TEKT5: variants seen among roughly 807,000 people sequenced by gnomAD.
The protein encoded by TEKT5 is tektin-5.
TEKT5 carries 52 observed loss-of-function variants against 48.7 expected under a neutral mutation model. The observed-to-expected ratio is 1.07, with a 90% CI of 0.86 to 1.35. The LOEUF (loss-of-function observed/expected upper bound fraction) is 1.35, where lower values mean the gene tolerates loss of function less well. Among genes scored for constraint, TEKT5 ranks in the 40% most tolerant of loss-of-function variants. The pLI is 0.00. For missense variants in TEKT5, 831 were observed against 641.6 expected (o/e 1.30, Z -3.19); for synonymous variants, 318 against 267.6 (o/e 1.19, Z -1.84).
Position 10,656,012 on chromosome 16 carries a change from C to A in TEKT5, c.1086+19947G>T, listed in dbSNP as rs6498100. 4.2e-3 allele frequency among the ~76,000 whole-genome samples: 632 copies of A among 152,126 alleles called. 4 individuals carry two copies. Among genetic ancestry groups the A allele is most frequent in the Non-Finnish European group, 5.0e-3 (343 of 67,978 alleles). The stretch of plus-strand genomic sequence containing the variant: ...ACCAAAGAGTTCATAGCAAATCATC[C>A]GTGATGAGGGTATCTTGACCTCAGC... On this transcript the variant is annotated intron_variant, in intron 5 of 6. Transcript: ENST00000283025.
intron 3 of TEKT5, 110 bp downstream of exon 3, chr16:10,689,143 C>G: frequency 1.2e-6 from 1 of 803,828 alleles, no homozygotes; most frequent in Non-Finnish European, 1.9e-6. Flanking sequence ...TACCACTGAC[C>G]AAAAGAACCA....
chr16:10,649,935 C>G (rs1898127243), intron 5 of TEKT5, among the ~76,000 whole-genome samples: 1 of 152,166 alleles, frequency 6.6e-6, no homozygotes, highest in Non-Finnish European at 1.5e-5. Flanking sequence ...GGAGCCTGTT[C>G]CTACCCCATA....
chr16:10,680,925 G>T (rs1484262699), intron 4 of TEKT5, among the ~76,000 whole-genome samples: 1 of 150,270 alleles, frequency 6.7e-6, no homozygotes, highest in Non-Finnish European at 1.5e-5. Flanking sequence ...CGATTTAGTG[G>T]GTGCAGCGCA....
rs72781794 is a variant in TEKT5, at chr16:10,640,299, C to T, written c.1087-4381G>A. On this transcript the variant is annotated intron_variant, in intron 5 of 6. Coordinates refer to ENST00000283025, the MANE Select transcript of TEKT5 (RefSeq NM_144674.2). ...CTGGGACTACAGGTGCCTGCCACCACACTCAGCTAACTTTCTGTTGCCCAG... is the reference window on the plus strand; with the variant it reads ...CTGGGACTACAGGTGCCTGCCACCATACTCAGCTAACTTTCTGTTGCCCAG... Among the ~76,000 whole-genome samples, 1,171 of 152,164 alleles carry T rather than the reference C, an allele frequency of 7.7e-3. 9 individuals carry two copies. Among genetic ancestry groups the T allele is most frequent in the Non-Finnish European group, 0.011 (769 of 68,006 alleles).
intron 6 of TEKT5, among the ~76,000 whole-genome samples, chr16:10,631,831 G>C (rs1306710804): frequency 1.3e-5 from 2 of 152,170 alleles, no homozygotes; most frequent in East Asian, 3.8e-4. Flanking sequence ...CTCTCTCAGA[G>C]CCTCCAGGAA....
chr16:10,662,126 G>T (rs1276409417), intron 5 of TEKT5, among the ~76,000 whole-genome samples: 1 of 152,174 alleles, frequency 6.6e-6, no homozygotes, highest in Non-Finnish European at 1.5e-5. Flanking sequence ...ATGGTGGGGG[G>T]TAGGGACTGT....
At chr16:10,690,832 G>A in intron 1 of TEKT5, 2 of 964,176 alleles carry the variant, frequency 2.1e-6, no homozygotes, top group Non-Finnish European at 2.5e-6. Flanking sequence ...CCCAGGAGCA[G>A]AAGGAAGCAG....
At chr16:10,691,711 G>T (rs1178217349) in intron 1 of TEKT5, among the ~76,000 whole-genome samples, 1 of 152,148 alleles carries the variant, frequency 6.6e-6, no homozygotes, top group East Asian at 1.9e-4. Context: ...CACTTTGGGA[G>T]GCTGAGGTGG....
At chr16:10,663,566 A>G (rs909251508) in intron 5 of TEKT5, among the ~76,000 whole-genome samples, 1 of 152,128 alleles carries the variant, frequency 6.6e-6, no homozygotes, top group Admixed American at 6.5e-5. Context: ...GGAGAGAGAG[A>G]AAGAGGAGAG....
At chr16:10,669,300 CA>C (rs34296979) in intron 5 of TEKT5, among the ~76,000 whole-genome samples, 8 of 148,964 alleles carry the variant, frequency 5.4e-5, no homozygotes, top group Non-Finnish European at 9.0e-5. Flanking sequence ...ACTAAATATA[CA>C]AAAAAAAAAT....
Position 10,644,224 on chromosome 16 carries a change from C to A in TEKT5, c.1087-8306G>T, listed in dbSNP as rs987509544. The stretch of plus-strand genomic sequence containing the variant: ...TTCCCATCTTTTACGTCATTTGATA[C>A]CCACAACTGCCCTGTGAGAAAGTGA... On this transcript the variant is annotated intron_variant, in intron 5 of 6. Coordinates refer to ENST00000283025, the MANE Select transcript of TEKT5 (RefSeq NM_144674.2). Among the ~76,000 whole-genome samples, 5 of 152,244 alleles carry A rather than the reference C, an allele frequency of 3.3e-5. No individual in the cohort carries two copies. In the East Asian group the frequency reaches 9.6e-4, roughly 29 times the overall value.
chr16:10,641,464 A>G (rs1019622974), intron 5 of TEKT5, among the ~76,000 whole-genome samples: 2 of 152,204 alleles, frequency 1.3e-5, no homozygotes, highest in Admixed American at 1.3e-4. Context: ...TTAGGTGATT[A>G]TAAGCAGGCA....
chr16:10,664,796 C>G (rs1898431439), intron 5 of TEKT5, among the ~76,000 whole-genome samples: 1 of 152,204 alleles, frequency 6.6e-6, no homozygotes, highest in East Asian at 1.9e-4. Flanking sequence ...GTGCCAGGTT[C>G]TTTCCGTTAC....
chr16:10,655,268 C>T lies in TEKT5; in HGVS notation c.1087-19350G>A, dbSNP rs185841459. On this transcript the variant is annotated intron_variant, in intron 5 of 6. Transcript: ENST00000283025. Reference sequence around the variant, plus strand: ...TCCAACCATATTTACACGTTCTTATCGCTCCCAGTCTAAACGGAGGGAGTG... The same window carrying T: ...TCCAACCATATTTACACGTTCTTATTGCTCCCAGTCTAAACGGAGGGAGTG... 4.2e-3 allele frequency among the ~76,000 whole-genome samples: 633 copies of T among 152,172 alleles called. 4 individuals carry two copies. The highest frequency in any genetic ancestry group is 5.1e-3 in the Non-Finnish European group (344 of 68,016).
chr16:10,681,241 C>G (rs1898742635), intron 4 of TEKT5, among the ~76,000 whole-genome samples: 1 of 152,084 alleles, frequency 6.6e-6, no homozygotes, highest in Admixed American at 6.6e-5. Flanking sequence ...TCCCAGCAGC[C>G]CTGGGAAGTG....
intron 5 of TEKT5, among the ~76,000 whole-genome samples, chr16:10,667,631 T>C (rs570034929): frequency 7.9e-5 from 12 of 152,342 alleles, no homozygotes; most frequent in African/African-American, 2.9e-4. Flanking sequence ...TTAAATTTAA[T>C]CTGCTTTAAG....
intron 1 of TEKT5, 95 bp from the exon 2 acceptor site, chr16:10,690,120 C>T: frequency 1.5e-6 from 2 of 1,367,668 alleles, no homozygotes; most frequent in Non-Finnish European, 2.0e-6. Context: ...CAATCTGTTC[C>T]TTTCTCCCGG....
intron 6 of TEKT5, among the ~76,000 whole-genome samples, chr16:10,631,358 C>T (rs895201057): frequency 3.9e-5 from 1 of 25,444 alleles, no homozygotes; most frequent in Non-Finnish European, 8.7e-5. Context: ...GGGGTGGGGG[C>T]GGGGGAGGGT....
At chr16:10,676,380 C>CA (rs1272477964) in intron 4 of TEKT5, among the ~76,000 whole-genome samples, 199 bp from the exon 5 acceptor site, 2 of 152,088 alleles carry the variant, frequency 1.3e-5, no homozygotes, top group Admixed American at 6.6e-5. Flanking sequence ...TTGTGACAAC[C>CA]AAAAAATGGC....
Sources: gnomAD v4.1 joint callset for allele counts (sites outside exome capture counted in the v4.1 genomes callset) on GRCh38, gnomAD v4.1.1 for gene constraint, MANE v1.5 for transcripts, NCBI Gene and HGNC (gene_info 2026-07-23, HGNC 2026-07-21) for gene names.